Variants in XIRP2 observed in about 807,000 individuals in gnomAD.
The protein encoded by XIRP2 is xin actin binding repeat containing 2, also known as xin actin-binding repeat-containing protein 2.
XIRP2 carries 236 observed loss-of-function variants against 277.0 expected under a neutral mutation model. The ratio of observed to expected loss-of-function variants is 0.85; its 90% CI spans 0.77 to 0.95. The LOEUF (loss-of-function observed/expected upper bound fraction) is 0.95. XIRP2 is among the 40% of genes least tolerant of loss of function. XIRP2 has a pLI of 0.00. For synonymous variants in XIRP2, 1,490 were observed against 1,416.5 expected (o/e 1.05, Z -1.17); for missense variants, 4,640 against 4,157.5 (o/e 1.12, Z -3.19).
rs111498603 is a variant in XIRP2, at chr2:166,900,237, C to G, written c.-18-3228C>G. 2.8e-4 allele frequency among the ~76,000 whole-genome samples: 43 copies of G among 152,054 alleles called. 1 individual carries two copies. Among genetic ancestry groups the G allele is most frequent in the Admixed American group, 1.2e-3 (18 of 15,250 alleles). ...TCATCGTATCTTCAAATTCACTGATCCTTTCCTTTTGCCCTTTTCATTTTG... is the reference window on the plus strand; with the variant it reads ...TCATCGTATCTTCAAATTCACTGATGCTTTCCTTTTGCCCTTTTCATTTTG... On this transcript the variant is annotated intron_variant, in intron 1 of 10. Transcript: ENST00000409195.
chr2:167,041,086 G>GA (rs140962069), intron 2 of XIRP2, among the ~76,000 whole-genome samples: 2,349 of 152,218 alleles, frequency 0.015, 59 homozygotes, highest in African/African-American at 0.054. Context: ...AGGAACCAGA[G>GA]AAAAAAACCC....
intron 2 of XIRP2, among the ~76,000 whole-genome samples, chr2:167,134,875 G>A (rs774245066): frequency 1.3e-4 from 20 of 152,196 alleles, no homozygotes; most frequent in Non-Finnish European, 2.5e-4. Flanking sequence ...ATCACGGTGG[G>A]TAGTATGGAC....
chr2:167,105,809 G>T (rs1043603279), intron 2 of XIRP2, among the ~76,000 whole-genome samples: 4 of 151,728 alleles, frequency 2.6e-5, no homozygotes, highest in African/African-American at 9.7e-5. Flanking sequence ...CACCCTTGGA[G>T]CATTTATTAT....
intron 2 of XIRP2, among the ~76,000 whole-genome samples, chr2:167,135,282 A>G (rs1291164051): frequency 2.0e-5 from 3 of 152,118 alleles, no homozygotes; most frequent in African/African-American, 4.8e-5. Flanking sequence ...TTATTGGCCT[A>G]TACAATAAGG....
chr2:167,026,120 T>A (rs1688150175), intron 2 of XIRP2, among the ~76,000 whole-genome samples: 1 of 152,210 alleles, frequency 6.6e-6, no homozygotes, highest in Non-Finnish European at 1.5e-5. Context: ...CAGGACTTGC[T>A]TTATGAATCT....
chr2:167,230,589 A>T (rs1002818478), intron 5 of XIRP2, among the ~76,000 whole-genome samples: 3 of 152,040 alleles, frequency 2.0e-5, no homozygotes, highest in Non-Finnish European at 4.4e-5. Flanking sequence ...TATCTTGTTG[A>T]TGGGATTCTA....
intron 4 of XIRP2, among the ~76,000 whole-genome samples, chr2:167,216,007 A>G (rs1694238213): frequency 6.6e-6 from 1 of 150,784 alleles, no homozygotes; most frequent in Admixed American, 6.6e-5. Flanking sequence ...TCTTTGACAA[A>G]CCTGAGAAAA....
At chr2:167,105,550 C>T (rs1296644668) in intron 2 of XIRP2, among the ~76,000 whole-genome samples, 1 of 151,816 alleles carries the variant, frequency 6.6e-6, no homozygotes, top group Non-Finnish European at 1.5e-5. Flanking sequence ...TAACTATTCA[C>T]TCCTTGAAGA....
At chr2:167,015,502 T>C (rs115170619) in intron 2 of XIRP2, among the ~76,000 whole-genome samples, 5,362 of 151,856 alleles carry the variant, frequency 0.035, 120 homozygotes, top group East Asian at 0.077. Flanking sequence ...GTAGGTTTCC[T>C]TTCATGCCTA....
At chr2:167,162,309 G>C (rs1042642440) in intron 3 of XIRP2, among the ~76,000 whole-genome samples, 1 of 152,172 alleles carries the variant, frequency 6.6e-6, no homozygotes, top group African/African-American at 2.4e-5. Context: ...CCAATTTGCT[G>C]TATTAGTCTG....
chr2:167,115,807 C>G (rs1292147434), intron 2 of XIRP2, among the ~76,000 whole-genome samples: 1 of 152,158 alleles, frequency 6.6e-6, no homozygotes, highest in Non-Finnish European at 1.5e-5. Context: ...AGAGTTCAGA[C>G]AGAAGCAGAA....
At chr2:166,979,846 C>A (rs1686820967) in intron 2 of XIRP2, among the ~76,000 whole-genome samples, 1 of 152,028 alleles carries the variant, frequency 6.6e-6, no homozygotes, top group African/African-American at 2.4e-5. Flanking sequence ...GGTTTTCCTG[C>A]ATCTTTTCTT....
chr2:167,186,866 G>A (rs1380697457), intron 3 of XIRP2, among the ~76,000 whole-genome samples: 2 of 147,548 alleles, frequency 1.4e-5, no homozygotes, highest in Non-Finnish European at 3.0e-5. Context: ...CTAGAGTAGT[G>A]TTTTGCTTTA....
intron 2 of XIRP2, among the ~76,000 whole-genome samples, chr2:167,022,891 T>C (rs200131540): frequency 0.03 from 4,601 of 152,232 alleles, 79 homozygotes; most frequent in East Asian, 0.082. Context: ...TCTTTGCTAT[T>C]GTGAATAGTG....
intron 2 of XIRP2, among the ~76,000 whole-genome samples, chr2:167,107,147 A>G (rs113349587): frequency 0.03 from 4,576 of 151,842 alleles, 78 homozygotes; most frequent in East Asian, 0.05. Context: ...AAATAGGCAC[A>G]GTTTTATTTC....
rs142320453 is a variant in XIRP2 at position 167,205,635 on chromosome 2, T to C, written c.563-5100T>C. On this transcript the variant is annotated intron_variant, in intron 3 of 10. Transcript: ENST00000409195. Reference sequence around the variant, plus strand: ...GAATAATTTGTTTTTAAGGATACTTTGCATGAAAGTAGCATAGTAATGATG... The same window carrying C: ...GAATAATTTGTTTTTAAGGATACTTCGCATGAAAGTAGCATAGTAATGATG... Among the ~76,000 whole-genome samples, 684 of 152,294 alleles carry C rather than the reference T, an allele frequency of 4.5e-3. 10 individuals are homozygous for C. The highest frequency in any genetic ancestry group is 0.04 in the Admixed American group (612 of 15,294).
chr2:167,113,209 T>C (rs1690809955), intron 2 of XIRP2, among the ~76,000 whole-genome samples: 3 of 152,130 alleles, frequency 2.0e-5, no homozygotes, highest in Admixed American at 2.0e-4. Flanking sequence ...CTTTGTTAAT[T>C]TTCCGCCTTG....
At chr2:167,032,950 A>G (rs1390381500) in intron 2 of XIRP2, among the ~76,000 whole-genome samples, 1 of 152,170 alleles carries the variant, frequency 6.6e-6, no homozygotes, top group East Asian at 1.9e-4. Context: ...CTGGATATAT[A>G]CCCAAATGAT....
At chr2:167,207,193 A>G (rs1693883111) in intron 3 of XIRP2, among the ~76,000 whole-genome samples, 1 of 152,202 alleles carries the variant, frequency 6.6e-6, no homozygotes, top group South Asian at 2.1e-4. Flanking sequence ...TATCATTTTT[A>G]TAAATCACTG....
Sources: allele counts gnomAD v4.1 joint callset (sites outside exome capture counted in the v4.1 genomes callset), GRCh38; gene constraint gnomAD v4.1.1; transcripts MANE v1.5; gene names NCBI Gene and HGNC (gene_info 2026-07-23, HGNC 2026-07-21).